Variants in MDN1 observed in about 807,000 individuals in gnomAD.
MDN1 encodes midasin AAA ATPase 1, also known as midasin.
A neutral mutation model predicts 669.2 loss-of-function variants in MDN1; 266 were observed. The ratio of observed to expected loss-of-function variants is 0.40; its 90% CI spans 0.36 to 0.44. The LOEUF is 0.44. MDN1 is among the 20% of genes least tolerant of loss of function. MDN1 has a pLI of 1.00. For synonymous variants in MDN1, 2,385 were observed against 2,457.1 expected, an observed-to-expected ratio of 0.97 and a Z score of 0.87; for missense variants, 5,940 against 6,754.0, an observed-to-expected ratio of 0.88 and a Z score of 4.22.
intron 9 of MDN1, among the ~76,000 whole-genome samples, chr6:89,783,756 CCT>C (rs749044529): frequency 2.6e-5 from 4 of 152,252 alleles, no homozygotes; most frequent in South Asian, 4.1e-4. Flanking sequence ...CTGTAAAATT[CCT>C]CTCTTTGTAC....
At chr6:89,681,129 A>G (rs1811588558) in intron 73 of MDN1, among the ~76,000 whole-genome samples, 1 of 151,946 alleles carries the variant, frequency 6.6e-6, no homozygotes, top group African/African-American at 2.4e-5. Flanking sequence ...TACTCCTGTG[A>G]CCAGTTACCC....
intron 36 of MDN1, among the ~76,000 whole-genome samples, chr6:89,728,380 T>C (rs1815367286): frequency 6.6e-6 from 1 of 152,194 alleles, no homozygotes; most frequent in African/African-American, 2.4e-5. Context: ...TGGGGTTATA[T>C]TACAATAAAT....
chr6:89,718,968 C>A lies in MDN1; in HGVS notation c.6120G>T (p.Leu2040Phe). The A allele has an allele frequency of 6.2e-7, 1 of 1,614,116 alleles. No individual in the cohort carries two copies. The highest frequency in any genetic ancestry group is 1.7e-5 in the Admixed American group (1 of 60,012). ...CVPHPSRHPLLLLHQSFQPLE... is the reference protein window; with the variant it reads ...CVPHPSRHPLFLLHQSFQPLE... ...GGGGTTGGAATGACTGGTGCAGGAGCAACAGGGGATGGCGGGACGGGTGAG... is the reference window on the plus strand; with the variant it reads ...GGGGTTGGAATGACTGGTGCAGGAGAAACAGGGGATGGCGGGACGGGTGAG... Residue 2040 changes from leucine to phenylalanine, a missense_variant, in exon 42 of 102, where the codon TTG becomes TTT. This residue lies in a region of MDN1 where 2,292 missense variants were observed against 2,638.3 expected (regional missense o/e 0.87). Coordinates refer to ENST00000369393, the MANE Select transcript of MDN1 (RefSeq NM_014611.3).
At chr6:89,707,612 G>A in intron 51 of MDN1, 136 bp from the exon 52 acceptor site, 1 of 648,156 alleles carries the variant, frequency 1.5e-6, no homozygotes, top group Non-Finnish European at 2.7e-6. Context: ...GCAAATCTTG[G>A]ACTAAAGAGA....
intron 1 of MDN1, among the ~76,000 whole-genome samples, chr6:89,809,784 T>TAAAATAAAATA (rs370925781): frequency 5.3e-5 from 6 of 112,578 alleles, no homozygotes; most frequent in African/African-American, 1.4e-4. Context: ...TCAAAATAAA[T>TAAAATAAAATA]AAATAAAATA....
chr6:89,698,410 A>G (rs920494116), intron 59 of MDN1, among the ~76,000 whole-genome samples: 1 of 152,262 alleles, frequency 6.6e-6, no homozygotes, highest in Non-Finnish European at 1.5e-5. Context: ...ATTCAAGCAC[A>G]TTGATACAAT....
chr6:89,726,482 G>GAAAAAAAAAAAAAAAA (rs201576721), intron 37 of MDN1, among the ~76,000 whole-genome samples: 2 of 90,948 alleles, frequency 2.2e-5, no homozygotes, highest in Admixed American at 1.2e-4. Context: ...AAGAAAAATA[G>GAAAAAAAAAAAAAAAA]AAAAAAAAAA....
intron 1 of MDN1, chr6:89,814,669 C>A (rs1768687675): frequency 7.6e-6 from 2 of 261,572 alleles, no homozygotes; most frequent in Non-Finnish European, 1.5e-5. Flanking sequence ...GACTCTTGGC[C>A]AGACAGATGG....
chr6:89,712,763 T>C lies in MDN1; in HGVS notation c.7242A>G (p.Lys2414=), dbSNP rs1814037064. Reference sequence around the variant, plus strand: ...CATGTGCTCGCAAAGAAGAAACATGTTTCTCCAGTAAAGCCTGTACAAGCT... The same window carrying C: ...CATGTGCTCGCAAAGAAGAAACATGCTTCTCCAGTAAAGCCTGTACAAGCT... ...NRKLVQALLE[K]HVSSLRAHET... Residue 2414 remains lysine, a synonymous_variant, in exon 48 of 102, where the codon AAA becomes AAG. Coordinates refer to ENST00000369393, the MANE Select transcript of MDN1 (RefSeq NM_014611.3). 6.2e-7 allele frequency: 1 copy of C among 1,613,978 alleles called. No individual in the cohort carries two copies. Among genetic ancestry groups the C allele is most frequent in the Non-Finnish European group, 8.5e-7 (1 of 1,180,016 alleles).
At chr6:89,803,583 ACT>A (rs1767805460) in intron 1 of MDN1, 29 bp from the exon 2 acceptor site, 2 of 1,384,618 alleles carry the variant, frequency 1.4e-6, no homozygotes, top group Non-Finnish European at 9.8e-7. Context: ...AACATCTTTC[ACT>A]TTTTTTTTTT....
At position 89,779,834 on chromosome 6, in the gene MDN1, C is replaced by T. The variant is rs545075910; in HGVS notation, c.1725+378G>A. On this transcript the variant is annotated intron_variant, in intron 11 of 101. Coordinates refer to ENST00000369393, the MANE Select transcript of MDN1 (RefSeq NM_014611.3). ...TAATCCCAGCACTCTGGGAGGCCGA[C>T]GTGGGTGGATCACTTGAGGTCAGGA... 1.8e-4 allele frequency among the ~76,000 whole-genome samples: 27 copies of T among 152,052 alleles called. No homozygotes were observed. In the South Asian group the frequency reaches 5.6e-3, roughly 32 times the overall value.
rs766402768 is a variant in MDN1, at chr6:89,723,053, A to G, written c.5869T>C (p.Leu1957=). The G allele has an allele frequency of 6.2e-7, 1 of 1,614,000 alleles. No individual in the cohort carries two copies. Reference sequence around the variant, plus strand: ...CCAGGGGACTGGTCAACCAGCATCAACTGACACCAGCGGAAAAGGTCCCGG... The same window carrying G: ...CCAGGGGACTGGTCAACCAGCATCAGCTGACACCAGCGGAAAAGGTCCCGG... ...NLRDLFRWCQ[L]MLVDQSPGCY... Residue 1957 remains leucine (L), a synonymous_variant, in exon 40 of 102, where the codon TTG becomes CTG. Coordinates refer to ENST00000369393, the MANE Select transcript of MDN1 (RefSeq NM_014611.3).
At position 89,662,166 on chromosome 6, in the gene MDN1, T is replaced by C. The variant is rs748859410; in HGVS notation, c.14486A>G (p.Asp4829Gly). 2.5e-6 allele frequency: 4 copies of C among 1,614,144 alleles called. No homozygotes were observed. Among genetic ancestry groups the C allele is most frequent in the Non-Finnish European group, 3.4e-6 (4 of 1,180,022 alleles). ...GNSNKDKSQQDKKEEKEEAEA... is the reference protein window; with the variant it reads ...GNSNKDKSQQGKKEEKEEAEA... ...TGCTTCTTCCTTTTCTTCCTTCTTA[T>C]CTTGCTGGCTTTTATCTTTGTTTGA... The change falls in exon 87 of 102, where the codon GAT (aspartate) becomes GGT (glycine). Residue 4829 changes from aspartate to glycine, a missense_variant. This residue lies in a region of MDN1 where 2,280 missense variants were observed against 2,576.3 expected (regional missense o/e 0.88). Transcript: ENST00000369393.
rs769923782 is a variant in MDN1, at chr6:89,672,631, G to T, written c.13546C>A (p.Leu4516Ile). Residue 4516 changes from leucine (L) to isoleucine (I), a missense_variant, in exon 81 of 102, where the codon CTC becomes ATC. Physicochemically the swap from Leu to Ile is conservative, Grantham distance 5 (BLOSUM62 2). Around this residue, in one of 5 missense-constraint regions of MDN1, gnomAD observed 2,280 missense variants for 2,576.3 expected, o/e 0.88. Coordinates refer to ENST00000369393, the MANE Select transcript of MDN1 (RefSeq NM_014611.3). ...TCTTCTAAGTTCTGGATGGCACAGA[G>T]GATGGCTCGGATGGCAATTTCCATT... ...EQMEIAIRAI[L>I]CAIQNLEERK... is the part of the protein sequence containing the mutation. 1.1e-4 allele frequency: 185 copies of T among 1,613,966 alleles called. 1 individual carries two copies. The highest frequency in any genetic ancestry group is 1.5e-4 in the Non-Finnish European group (176 of 1,180,020).
chr6:89,676,893 C>A (rs1294421565), intron 76 of MDN1, among the ~76,000 whole-genome samples: 2 of 150,958 alleles, frequency 1.3e-5, no homozygotes, highest in African/African-American at 2.4e-5. Flanking sequence ...CTCGCAAATT[C>A]AATAACATAT....
At position 89,710,670 on chromosome 6, in the gene MDN1, A is replaced by G. The variant is rs766551903; in HGVS notation, c.7765+11T>C. The stretch of plus-strand genomic sequence containing the variant: ...AAACAGTGCTGAGAGCTAGAAATCA[A>G]AAGTGCATACCTGTTGTATTTGGTT... On this transcript the variant is annotated intron_variant, in intron 50 of 101. Coordinates refer to ENST00000369393, the MANE Select transcript of MDN1 (RefSeq NM_014611.3). The G allele has an allele frequency of 2.7e-6, 4 of 1,471,448 alleles. No individual in the cohort carries two copies. The highest frequency in any genetic ancestry group is 1.7e-4 in the Middle Eastern group (1 of 5,804). The allele number at this position is 1,471,448 out of a possible 1,614,324, so 91.1% of individuals were successfully genotyped here.
intron 33 of MDN1, among the ~76,000 whole-genome samples, chr6:89,737,407 T>A (rs1175072110): frequency 6.6e-6 from 1 of 152,044 alleles, no homozygotes; most frequent in East Asian, 1.9e-4. Context: ...TTATATTCTT[T>A]AAGAATATAA....
chr6:89,719,033 GA>G lies in MDN1; in HGVS notation c.6058-4del. ...CGGGAAAGGACTGAGTAGCCCAACT[GA>G]AAAGACATGCCAGTGAGATTTCCAT... On this transcript the variant is annotated splice_region_variant and splice_polypyrimidine_tract_variant and intron_variant, in intron 41 of 101. Coordinates refer to ENST00000369393, the MANE Select transcript of MDN1 (RefSeq NM_014611.3). The G allele has an allele frequency of 6.2e-7, 1 of 1,614,064 alleles. No homozygotes were observed. Among genetic ancestry groups the G allele is most frequent in the Non-Finnish European group, 8.5e-7 (1 of 1,179,942 alleles).
Position 89,772,621 on chromosome 6 carries a change from TC to T in MDN1, c.2034del (p.Thr679ProfsTer20). On this transcript the variant is annotated frameshift_variant, in exon 14 of 102. Transcript: ENST00000369393. LOFTEE classifies it high-confidence loss of function. ...SKGEPVLLVG[E>X]TGTGKTSTIQ... is the part of the protein sequence containing the mutation. ...ATGGTAGAGGTTTTGCCAGTCCCGG[TC>T]TCTCCCACCAGCAACACAGGCTCCC... 6.2e-7 allele frequency: 1 copy of T among 1,614,118 alleles called. No homozygotes were observed. The highest frequency in any genetic ancestry group is 8.5e-7 in the Non-Finnish European group (1 of 1,180,010).
Sources: allele counts gnomAD v4.1 joint callset (sites outside exome capture counted in the v4.1 genomes callset), GRCh38; gene constraint gnomAD v4.1.1; regional missense constraint gnomAD v4.1.1; transcripts MANE v1.5; gene names NCBI Gene and HGNC (gene_info 2026-07-23, HGNC 2026-07-21).